Variants in FSD1L observed in about 807,000 individuals in gnomAD.
FSD1L encodes the protein fibronectin type III and SPRY domain containing 1 like.
Under a neutral mutation model 71.6 loss-of-function variants are expected in FSD1L, and 45 were observed. That is an observed-to-expected ratio of 0.63 (90% confidence interval 0.49 to 0.81). The LOEUF (loss-of-function observed/expected upper bound fraction) is 0.81. Ranked by LOEUF, FSD1L falls within the 30% of genes least tolerant of loss-of-function variation. The pLI, the probability that FSD1L is intolerant of heterozygous loss-of-function variation, is 0.00. For missense variants in FSD1L, 561 were observed against 618.1 expected, an observed-to-expected ratio of 0.91 and a Z score of 0.98; for synonymous variants, 197 against 207.2, an observed-to-expected ratio of 0.95 and a Z score of 0.42.
chr9:105,446,003 C>T (rs529260817), upstream of FSD1L, among the ~76,000 whole-genome samples: 154 of 152,220 alleles, frequency 1.0e-3, no homozygotes, highest in Non-Finnish European at 1.8e-3. Context: ...CATTTCATTT[C>T]TTGTACATCT....
At position 105,549,776 on chromosome 9, in the gene FSD1L, T is replaced by C. The variant is rs571265835; in HGVS notation, c.*3293T>C. On this transcript the variant is annotated 3_prime_UTR_variant, in exon 14 of 14. Coordinates refer to ENST00000481272, the MANE Select transcript of FSD1L (RefSeq NM_001145313.3). ...GGAATCTTTTAATTAGGCTAAGATA[T>C]GCTATTTCATAACTTATGTAGAATG... 2.0e-5 allele frequency: 3 copies of C among 152,180 alleles called. No individual in the cohort carries two copies. Among genetic ancestry groups the C allele is most frequent in the East Asian group, 1.9e-4 (1 of 5,186 alleles). 9.4% of individuals were successfully genotyped at this position (152,180 alleles called of 1,614,324 possible).
At chr9:105,483,388 A>G (rs2131703319) in intron 6 of FSD1L, among the ~76,000 whole-genome samples, 1 of 152,308 alleles carries the variant, frequency 6.6e-6, no homozygotes, top group South Asian at 2.1e-4. Context: ...TGGCAGATAC[A>G]ATTGACTAGG....
chr9:105,513,661 AC>A (rs1336061387), intron 10 of FSD1L: 1 of 1,502,002 alleles, frequency 6.7e-7, no homozygotes, highest in Non-Finnish European at 8.9e-7. Flanking sequence ...TAGTTCTAGG[AC>A]TTAGTAAAAT....
chr9:105,502,019 C>T (rs970371177), intron 7 of FSD1L, among the ~76,000 whole-genome samples: 44 of 152,164 alleles, frequency 2.9e-4, no homozygotes, highest in African/African-American at 9.9e-4. Flanking sequence ...AGATATCTTT[C>T]TGCATGTTAC....
intron 10 of FSD1L, chr9:105,523,504 A>C: frequency 6.2e-7 from 1 of 1,613,146 alleles, no homozygotes; most frequent in Non-Finnish European, 8.5e-7. Context: ...CCTGAAATAC[A>C]TGCTCAAGTT....
intron 12 of FSD1L, among the ~76,000 whole-genome samples, chr9:105,538,863 G>A (rs1836433342): frequency 6.6e-6 from 1 of 152,082 alleles, no homozygotes; most frequent in Non-Finnish European, 1.5e-5. Context: ...TAGAAGACAA[G>A]GTTTAATAGA....
chr9:105,456,326 A>T (rs1455397039), intron 1 of FSD1L, among the ~76,000 whole-genome samples: 1 of 152,196 alleles, frequency 6.6e-6, no homozygotes, highest in East Asian at 1.9e-4. Flanking sequence ...CAGCTTCCTC[A>T]TTGGAAAATG....
chr9:105,505,253 T>G (rs375241353), intron 7 of FSD1L, among the ~76,000 whole-genome samples: 19 of 152,332 alleles, frequency 1.2e-4, no homozygotes, highest in East Asian at 7.7e-4. Context: ...TTGTTGTTTT[T>G]TTGTTGTTGT....
chr9:105,546,351 T>G lies in FSD1L; in HGVS notation c.1468-7T>G. ...GCAATCTGACAGGTTTTTTTGTCTT[T>G]TCTTAGGTATGGTGTGGTGGACTTT... On this transcript the variant is annotated splice_region_variant and splice_polypyrimidine_tract_variant and intron_variant, in intron 13 of 13. Coordinates refer to ENST00000481272, the MANE Select transcript of FSD1L (RefSeq NM_001145313.3). 1.3e-6 allele frequency: 2 copies of G among 1,515,156 alleles called. No individual in the cohort carries two copies. The highest frequency in any genetic ancestry group is 1.3e-5 in the South Asian group (1 of 77,688). 93.9% of individuals were successfully genotyped at this position (1,515,156 alleles called of 1,614,324 possible). A position where few individuals can be genotyped will look rare whatever the true frequency, so the allele number is the denominator to read the frequency against.
At chr9:105,523,050 A>G in intron 10 of FSD1L, 1 of 1,614,190 alleles carries the variant, frequency 6.2e-7, no homozygotes, top group Non-Finnish European at 8.5e-7. Context: ...TGGAGCCGAC[A>G]CTGGGGTTAC....
At chr9:105,506,715 A>G (rs1162691396) in intron 8 of FSD1L, 107 bp downstream of exon 8, 9 of 819,838 alleles carry the variant, frequency 1.1e-5, no homozygotes, top group Non-Finnish European at 1.7e-5. Context: ...CTTTAGTCAC[A>G]CTGAGTTTTT....
intron 10 of FSD1L, among the ~76,000 whole-genome samples, chr9:105,519,459 A>C (rs562474902): frequency 1.3e-5 from 2 of 152,202 alleles, no homozygotes; most frequent in South Asian, 4.1e-4. Context: ...ACCACAATCA[A>C]GTCGGCTTCA....
At chr9:105,494,045 C>A (rs1833159753) in intron 7 of FSD1L, among the ~76,000 whole-genome samples, 1 of 152,142 alleles carries the variant, frequency 6.6e-6, no homozygotes, top group Non-Finnish European at 1.5e-5. Flanking sequence ...TGAATGTTGG[C>A]CTGCCTTGCT....
At chr9:105,507,696 G>A (rs1834136796) in intron 8 of FSD1L, among the ~76,000 whole-genome samples, 1 of 151,960 alleles carries the variant, frequency 6.6e-6, no homozygotes, top group Admixed American at 6.6e-5. Flanking sequence ...ATTATTTAGG[G>A]TGTTCACTTT....
At chr9:105,455,549 A>T (rs1461658766) in intron 1 of FSD1L, among the ~76,000 whole-genome samples, 8 of 152,226 alleles carry the variant, frequency 5.3e-5, no homozygotes, top group Admixed American at 5.2e-4. Context: ...CCCTATGATT[A>T]TTTCATACAA....
chr9:105,518,198 A>AAAGAGAATTAC (rs1443468632), intron 10 of FSD1L, among the ~76,000 whole-genome samples: 1 of 152,234 alleles, frequency 6.6e-6, no homozygotes, highest in African/African-American at 2.4e-5. Flanking sequence ...TTAGACTCCC[A>AAAGAGAATTAC]TACAGTAATA....
chr9:105,519,987 G>T (rs1284661481), intron 10 of FSD1L: 8 of 1,372,256 alleles, frequency 5.8e-6, no homozygotes, highest in African/African-American at 2.9e-5. Flanking sequence ...GATCGGGGAG[G>T]AGTCGGCTCT....
At chr9:105,481,355 G>C (rs1240992242) in intron 6 of FSD1L, among the ~76,000 whole-genome samples, 1 of 150,944 alleles carries the variant, frequency 6.6e-6, no homozygotes, top group African/African-American at 2.4e-5. Flanking sequence ...TGCAATCTTG[G>C]CTCACTGCAG....
chr9:105,467,473 T>C (rs1001035499), intron 3 of FSD1L, among the ~76,000 whole-genome samples: 1 of 152,138 alleles, frequency 6.6e-6, no homozygotes, highest in Non-Finnish European at 1.5e-5. Flanking sequence ...AATATAGCAA[T>C]GGGGAACTCA....
Sources: allele counts gnomAD v4.1 joint callset (sites outside exome capture counted in the v4.1 genomes callset), GRCh38; gene constraint gnomAD v4.1.1; transcripts MANE v1.5; gene names NCBI Gene and HGNC (gene_info 2026-07-23, HGNC 2026-07-21).